Variants in NQO1 observed in about 807,000 individuals in gnomAD.
The protein encoded by NQO1 is NAD(P)H quinone dehydrogenase 1.
Under a neutral mutation model 32.1 loss-of-function variants are expected in NQO1, and 30 were observed. The ratio of observed to expected loss-of-function variants is 0.94; its 90% CI spans 0.70 to 1.27. NQO1 has a LOEUF of 1.27. Among genes scored for constraint, NQO1 ranks in the 50% most tolerant of loss-of-function variants. The pLI, the probability that NQO1 is intolerant of heterozygous loss-of-function variation, is 0.00. For synonymous variants in NQO1, 109 were observed against 119.7 expected (o/e 0.91, Z 0.59); for missense variants, 276 against 331.3 (o/e 0.83, Z 1.30).
At chr16:69,725,649 T>G (rs2038250988) in intron 1 of NQO1, among the ~76,000 whole-genome samples, 1 of 152,016 alleles carries the variant, frequency 6.6e-6, no homozygotes, top group Admixed American at 6.6e-5. Context: ...CTGAGGTGGG[T>G]GGATCACCTG....
chr16:69,720,489 T>C (rs1567634026), intron 1 of NQO1, among the ~76,000 whole-genome samples: 1 of 151,174 alleles, frequency 6.6e-6, no homozygotes, highest in Non-Finnish European at 1.5e-5. Context: ...GTATGTAGAC[T>C]TGCAGCACCT....
In NQO1 at chr16:69,718,370, C is replaced by T; in HGVS notation, c.172G>A (p.Gly58Ser). The T allele has an allele frequency of 6.2e-7, 1 of 1,614,166 alleles. No homozygotes were observed. Among genetic ancestry groups the T allele is most frequent in the African/African-American group, 1.3e-5 (1 of 75,060 alleles). ...AGAGGGGAGGAGGAACTCCTCCTAC[C>T]TGTGATGTCCTTTCTGGAAATGATG... ...NPIISRKDITGKLKDPANFQY... is the reference protein window; with the variant it reads ...NPIISRKDITSKLKDPANFQY... Residue 58 changes from glycine (G) to serine (S), a missense_variant and splice_region_variant, in exon 2 of 6, where the codon GGT (glycine) becomes AGT (serine). Gly to Ser is a moderately conservative substitution (Grantham distance 56). Coordinates refer to ENST00000320623, the MANE Select transcript of NQO1 (RefSeq NM_000903.3).
intron 5 of NQO1, among the ~76,000 whole-genome samples, chr16:69,711,733 G>A (rs1448987529): frequency 2.0e-5 from 3 of 150,688 alleles, no homozygotes; most frequent in East Asian, 2.0e-4. Context: ...GGCTCATTGC[G>A]GCTTCCACTT....
At chr16:69,717,858 G>A (rs956877042) in intron 3 of NQO1, 14 of 375,176 alleles carry the variant, frequency 3.7e-5, no homozygotes, top group African/African-American at 2.5e-4. Context: ...TGATTCACCT[G>A]CCTTGGCCTC....
At position 69,726,493 on chromosome 16, in the gene NQO1, A is replaced by T; in HGVS notation, c.-54T>A. On this transcript the variant is annotated 5_prime_UTR_variant, in exon 1 of 6. Transcript: ENST00000320623. ...GGCTGGGCTCGTGGTTGCCGGGGCGACCCTGGCCGGAACTAGGCTCTCGGT... is the reference window on the plus strand; with the variant it reads ...GGCTGGGCTCGTGGTTGCCGGGGCGTCCCTGGCCGGAACTAGGCTCTCGGT... The T allele has an allele frequency of 1.3e-6, 2 of 1,583,618 alleles. No homozygotes were observed. Among genetic ancestry groups the T allele is most frequent in the Non-Finnish European group, 1.7e-6 (2 of 1,168,948 alleles).
At chr16:69,719,248 T>C (rs571191629) in intron 1 of NQO1, among the ~76,000 whole-genome samples, 16 of 152,246 alleles carry the variant, frequency 1.1e-4, no homozygotes, top group Non-Finnish European at 1.9e-4. Context: ...CCTCAACCTT[T>C]AGGGAAAGTA....
intron 1 of NQO1, among the ~76,000 whole-genome samples, chr16:69,725,874 CAAACA>C (rs10595684): frequency 0.9 from 134,565 of 150,268 alleles, 60,981 homozygotes; most frequent in Non-Finnish European, 0.96. Flanking sequence ...AACTCCGTCT[CAAACA>C]AAACAAAACA....
chr16:69,725,765 T>C (rs1296483721), intron 1 of NQO1, among the ~76,000 whole-genome samples: 1 of 152,214 alleles, frequency 6.6e-6, no homozygotes, highest in Non-Finnish European at 1.5e-5. Context: ...TCCCAGCTAC[T>C]CGGGAGGCTG....
chr16:69,717,080 T>TAA (rs1291662368), intron 3 of NQO1, among the ~76,000 whole-genome samples: 1 of 116,766 alleles, frequency 8.6e-6, no homozygotes. Context: ...ATTGAATAAC[T>TAA]AAAAAAAAAA....
At chr16:69,712,470 A>G (rs1258450577) in intron 5 of NQO1, among the ~76,000 whole-genome samples, 3 of 152,192 alleles carry the variant, frequency 2.0e-5, no homozygotes, top group Non-Finnish European at 4.4e-5. Context: ...TATACAAATC[A>G]AGAGTAGTGA....
At chr16:69,719,812 A>G (rs2151745989) in intron 1 of NQO1, among the ~76,000 whole-genome samples, 1 of 151,170 alleles carries the variant, frequency 6.6e-6, no homozygotes, top group Non-Finnish European at 1.5e-5. Context: ...AAAAATATAT[A>G]AAAAAGAATG....
At chr16:69,712,708 GA>G (rs2038057218) in intron 5 of NQO1, among the ~76,000 whole-genome samples, 2 of 152,182 alleles carry the variant, frequency 1.3e-5, no homozygotes, top group Non-Finnish European at 2.9e-5. Flanking sequence ...AAGGTTCGTT[GA>G]AAATGAGGTA....
intron 3 of NQO1, 192 bp downstream of exon 3, chr16:69,717,931 G>T: frequency 1.2e-6 from 1 of 861,124 alleles, no homozygotes. Context: ...ATTTACACAT[G>T]CAACAGTAAT....
At chr16:69,719,978 T>C (rs891790338) in intron 1 of NQO1, among the ~76,000 whole-genome samples, 16 of 151,706 alleles carry the variant, frequency 1.1e-4, no homozygotes, top group Non-Finnish European at 4.4e-5. Context: ...GTTGACCAGG[T>C]ACGGTTGCTC....
At chr16:69,717,968 A>G (rs2038136298) in intron 3 of NQO1, 155 bp downstream of exon 3, 1 of 1,091,478 alleles carries the variant, frequency 9.2e-7, no homozygotes, top group East Asian at 2.4e-5. Flanking sequence ...TATCTGTGAA[A>G]TCCATGTAAT....
chr16:69,714,899 C>T (rs2038092462), intron 4 of NQO1, 65 bp downstream of exon 4: 2 of 1,109,942 alleles, frequency 1.8e-6, no homozygotes, highest in Admixed American at 3.5e-5. Flanking sequence ...AACAAACAAA[C>T]ACCCCTGCAT....
At chr16:69,715,985 AGT>A (rs2038107240) in intron 3 of NQO1, among the ~76,000 whole-genome samples, 1 of 148,148 alleles carries the variant, frequency 6.8e-6, no homozygotes, top group Non-Finnish European at 1.5e-5. Context: ...TGGGCAACAA[AGT>A]GAGACTTTGT....
At chr16:69,712,251 T>G (rs1313810299) in intron 5 of NQO1, among the ~76,000 whole-genome samples, 1 of 151,878 alleles carries the variant, frequency 6.6e-6, no homozygotes, top group Non-Finnish European at 1.5e-5. Flanking sequence ...AATTTTGTTT[T>G]TTTTTTTTGT....
chr16:69,709,875 C>A lies in NQO1; in HGVS notation c.*1101G>T. 1 of 398,498 alleles carries A rather than the reference C, an allele frequency of 2.5e-6. No homozygotes were observed. Among genetic ancestry groups the A allele is most frequent in the East Asian group, 3.6e-5 (1 of 28,064 alleles). 24.7% of individuals were successfully genotyped at this position (398,498 alleles called of 1,614,324 possible). On this transcript the variant is annotated 3_prime_UTR_variant, in exon 6 of 6. Transcript: ENST00000320623. ...ATCCCATAGTAAGTCATCAGTTTAG[C>A]AATGATAAAGAAAATAACCTTCTGA... is the stretch of plus-strand genomic sequence containing the variant.
Sources: allele counts gnomAD v4.1 joint callset (sites outside exome capture counted in the v4.1 genomes callset), GRCh38; gene constraint gnomAD v4.1.1; transcripts MANE v1.5; gene names NCBI Gene and HGNC (gene_info 2026-07-23, HGNC 2026-07-21).